CACNA2D3: variants seen among roughly 807,000 people sequenced by gnomAD.
CACNA2D3 encodes voltage-dependent calcium channel subunit alpha-2/delta-3.
A neutral mutation model predicts 160.6 loss-of-function variants in CACNA2D3; 60 were observed. The ratio of observed to expected loss-of-function variants is 0.37; its 90% CI spans 0.30 to 0.46. The LOEUF (loss-of-function observed/expected upper bound fraction) is 0.46, where lower values mean the gene tolerates loss of function less well. Among genes scored for constraint, CACNA2D3 ranks in the 20% least tolerant of loss-of-function variants. The probability of loss-of-function intolerance (pLI) is 1.00; values close to 1 mark genes in which losing one functional copy is unlikely to be tolerated. For missense variants in CACNA2D3, 1,205 were observed against 1,365.0 expected (o/e 0.88, Z 1.85); for synonymous variants, 558 against 492.9 (o/e 1.13, Z -1.75).
intron 31 of CACNA2D3, among the ~76,000 whole-genome samples, chr3:55,001,735 C>T (rs923504465): frequency 2.0e-5 from 3 of 152,218 alleles, no homozygotes; most frequent in Non-Finnish European, 4.4e-5. Flanking sequence ...ATCTTAACAA[C>T]GTTGGCACAC....
intron 5 of CACNA2D3, among the ~76,000 whole-genome samples, chr3:54,534,389 A>G (rs1701854227): frequency 6.6e-6 from 1 of 152,146 alleles, no homozygotes; most frequent in South Asian, 2.1e-4. Flanking sequence ...CTGATAGAAG[A>G]GCTTCCCTGC....
At chr3:55,071,406 A>G (rs1216504736) in intron 35 of CACNA2D3, among the ~76,000 whole-genome samples, 1 of 152,154 alleles carries the variant, frequency 6.6e-6, no homozygotes, top group Non-Finnish European at 1.5e-5. Context: ...CATGCTATCC[A>G]TATTGATCAG....
intron 6 of CACNA2D3, among the ~76,000 whole-genome samples, chr3:54,569,062 T>C (rs915915877): frequency 3.9e-5 from 6 of 152,256 alleles, no homozygotes; most frequent in African/African-American, 1.4e-4. Context: ...TGATTTTCTG[T>C]CTTATTTTTA....
At chr3:54,835,097 T>C (rs564144711) in intron 14 of CACNA2D3, among the ~76,000 whole-genome samples, 17 of 152,166 alleles carry the variant, frequency 1.1e-4, no homozygotes, top group Non-Finnish European at 2.2e-4. Context: ...CACATAAAAT[T>C]AACCATGTCA....
At chr3:54,930,884 G>T (rs1308619776) in intron 27 of CACNA2D3, among the ~76,000 whole-genome samples, 1 of 152,284 alleles carries the variant, frequency 6.6e-6, no homozygotes, top group Admixed American at 6.5e-5. Flanking sequence ...ATCAGTTGAG[G>T]ACAGGAGTTC....
At chr3:54,950,554 A>G (rs1209083552) in intron 27 of CACNA2D3, among the ~76,000 whole-genome samples, 1 of 152,208 alleles carries the variant, frequency 6.6e-6, no homozygotes, top group Non-Finnish European at 1.5e-5. Flanking sequence ...CCTGTTTCCC[A>G]GCCTACCAGC....
chr3:54,203,242 C>T (rs1701209456), intron 2 of CACNA2D3, among the ~76,000 whole-genome samples: 1 of 152,262 alleles, frequency 6.6e-6, no homozygotes, highest in East Asian at 1.9e-4. Flanking sequence ...CGGGAAGGGT[C>T]CCCTTGTCCC....
At chr3:54,268,630 G>C (rs879429540) in intron 2 of CACNA2D3, among the ~76,000 whole-genome samples, 1 of 152,120 alleles carries the variant, frequency 6.6e-6, no homozygotes, top group Non-Finnish European at 1.5e-5. Context: ...GGGTGGTCTT[G>C]AACTCCTGAC....
intron 10 of CACNA2D3, among the ~76,000 whole-genome samples, chr3:54,637,348 T>C (rs1346380264): frequency 6.6e-6 from 1 of 151,492 alleles, no homozygotes; most frequent in African/African-American, 2.4e-5. Flanking sequence ...GGTGGGGGGA[T>C]ACAAGAGGAG....
intron 11 of CACNA2D3, among the ~76,000 whole-genome samples, chr3:54,670,554 G>A (rs778705241): frequency 2.3e-4 from 35 of 152,112 alleles, no homozygotes; most frequent in Non-Finnish European, 4.3e-4. Context: ...CATGACAAAA[G>A]GTCATCCCAG....
intron 13 of CACNA2D3, among the ~76,000 whole-genome samples, chr3:54,815,478 A>G (rs190304809): frequency 6.6e-6 from 1 of 152,320 alleles, no homozygotes; most frequent in Admixed American, 6.5e-5. Flanking sequence ...AGTAAAAAGA[A>G]TGGGAAAGTC....
chr3:54,538,525 T>C (rs1575510501), intron 5 of CACNA2D3, among the ~76,000 whole-genome samples: 1 of 152,268 alleles, frequency 6.6e-6, no homozygotes, highest in East Asian at 1.9e-4. Flanking sequence ...CCTTGTGGGC[T>C]GTAATGCTCC....
chr3:54,309,928 C>T (rs1363156881), intron 2 of CACNA2D3, among the ~76,000 whole-genome samples: 1 of 151,888 alleles, frequency 6.6e-6, no homozygotes, highest in Non-Finnish European at 1.5e-5. Flanking sequence ...TCTGCTTCCT[C>T]TCTGCTTGCA....
At chr3:54,691,851 G>T (rs572452579) in intron 11 of CACNA2D3, among the ~76,000 whole-genome samples, 1 of 152,228 alleles carries the variant, frequency 6.6e-6, no homozygotes, top group African/African-American at 2.4e-5. Context: ...TAAAGAGAAT[G>T]CAGTGGATGC....
At chr3:54,371,995 G>T (rs1423521367) in intron 3 of CACNA2D3, among the ~76,000 whole-genome samples, 1 of 152,290 alleles carries the variant, frequency 6.6e-6, no homozygotes, top group Non-Finnish European at 1.5e-5. Context: ...ACCTCTCTGT[G>T]TATGAGTTAT....
At chr3:55,033,809 A>T (rs1703743113) in intron 35 of CACNA2D3, among the ~76,000 whole-genome samples, 1 of 121,690 alleles carries the variant, frequency 8.2e-6, no homozygotes, top group Admixed American at 9.3e-5. Context: ...TATAATATGT[A>T]TTATATATTA....
chr3:54,133,432 G>A (rs889665992), intron 2 of CACNA2D3, among the ~76,000 whole-genome samples: 7 of 152,294 alleles, frequency 4.6e-5, no homozygotes, highest in East Asian at 1.9e-4. Flanking sequence ...TCAGAGGAAA[G>A]GCATTTGGGG....
chr3:54,201,449 T>G (rs1352653487), intron 2 of CACNA2D3, among the ~76,000 whole-genome samples: 1 of 152,194 alleles, frequency 6.6e-6, no homozygotes, highest in Non-Finnish European at 1.5e-5. Context: ...AATTATTGAT[T>G]GATGGAAAGA....
chr3:54,667,359 A>T (rs1700085442), intron 11 of CACNA2D3, among the ~76,000 whole-genome samples: 1 of 152,184 alleles, frequency 6.6e-6, no homozygotes, highest in African/African-American at 2.4e-5. Flanking sequence ...TGCATGTTGG[A>T]TCCATAATCT....
Sources: allele counts gnomAD v4.1 joint callset (sites outside exome capture counted in the v4.1 genomes callset), GRCh38; gene constraint gnomAD v4.1.1; transcripts MANE v1.5; gene names NCBI Gene and HGNC (gene_info 2026-07-23, HGNC 2026-07-21).